Variants in FLRT3 observed in about 807,000 individuals in gnomAD.
FLRT3 encodes fibronectin leucine rich transmembrane protein 3.
A neutral mutation model predicts 42.6 loss-of-function variants in FLRT3; 17 were observed. That is an observed-to-expected ratio of 0.40 (90% confidence interval 0.27 to 0.60). FLRT3 has a LOEUF of 0.60. Among genes scored for constraint, FLRT3 ranks in the 20% least tolerant of loss-of-function variants. The pLI is 0.44. For synonymous variants in FLRT3, 279 were observed against 286.4 expected (o/e 0.97, Z 0.26); for missense variants, 635 against 789.2 (o/e 0.80, Z 2.34).
chr20:14,325,507 C>T lies in FLRT3; in HGVS notation c.*50G>A, dbSNP rs1488580354. ...AGAACAGGGTTCCTACCATCACCTC[C>T]CTTAGGTTTAAAAAACCCAAAACAC... is the stretch of plus-strand genomic sequence containing the variant. On this transcript the variant is annotated 3_prime_UTR_variant, in exon 3 of 3. Transcript: ENST00000341420. The T allele has an allele frequency of 1.3e-6, 2 of 1,551,702 alleles. No individual in the cohort carries two copies. The highest frequency in any genetic ancestry group is 1.8e-4 in the Middle Eastern group (1 of 5,712).
intron 1 of FLRT3, among the ~76,000 whole-genome samples, chr20:14,330,399 A>G (rs1888977431): frequency 6.6e-6 from 1 of 152,040 alleles, no homozygotes; most frequent in Admixed American, 6.6e-5. Context: ...CCTCAAAGTA[A>G]GGACTAAAGT....
intron 2 of FLRT3, 77 bp from the exon 3 acceptor site, chr20:14,327,635 G>T: frequency 9.4e-7 from 1 of 1,062,050 alleles, no homozygotes. Flanking sequence ...AACAAATGTG[G>T]AAACTAAAAT....
In FLRT3 at chr20:14,326,940, A is replaced by G. The variant is rs767737045; in HGVS notation, c.567T>C (p.Thr189=). 8 of 1,613,668 alleles carry G rather than the reference A, an allele frequency of 5.0e-6. No individual in the cohort carries two copies. The South Asian group carries it at 8.8e-5, about 18-fold the overall frequency. Residue 189 remains threonine, a synonymous_variant, in exon 3 of 3, where the codon ACT becomes ACC. Transcript: ENST00000341420. This position sits in a 1 kb window ranked among gnomAD's most constrained non-coding sequence, Gnocchi z 5.5. ...ELRLDDNRIS[T]ISSPSLQGLT... Reference sequence around the variant, plus strand: ...GACCTTGAAGAGATGGTGATGAAATAGTGGATATGCGATTATCATCCAAGC... The same window carrying G: ...GACCTTGAAGAGATGGTGATGAAATGGTGGATATGCGATTATCATCCAAGC...
Position 14,324,065 on chromosome 20 carries a change from A to C in FLRT3, c.*1492T>G, listed in dbSNP as rs1391172782. The C allele has an allele frequency of 6.6e-6, 1 of 152,538 alleles. No homozygotes were observed. Among genetic ancestry groups the C allele is most frequent in the Non-Finnish European group, 1.5e-5 (1 of 68,032 alleles). The allele number at this position is 152,538 out of a possible 1,614,324, so 9.4% of individuals were successfully genotyped here. A position where few individuals can be genotyped will look rare whatever the true frequency, so the allele number is the denominator to read the frequency against. On this transcript the variant is annotated 3_prime_UTR_variant, in exon 3 of 3. Transcript: ENST00000341420. ...AAAATACATGGGACGTTTAGGACTA[A>C]TGTGCTGGGCAATTTGCTACTTAGT...
At position 14,325,512 on chromosome 20, in the gene FLRT3, G is replaced by C. The variant is rs750793079; in HGVS notation, c.*45C>G. ...AGGGTTCCTACCATCACCTCCCTTA[G>C]GTTTAAAAAACCCAAAACACAAGTC... On this transcript the variant is annotated 3_prime_UTR_variant, in exon 3 of 3. Coordinates refer to ENST00000341420, the MANE Select transcript of FLRT3 (RefSeq NM_198391.3). The C allele has an allele frequency of 7.1e-6, 11 of 1,557,124 alleles. No individual in the cohort carries two copies. The Admixed American group carries it at 1.3e-4, about 19-fold the overall frequency.
chr20:14,327,998 A>G (rs2082766518), intron 2 of FLRT3, among the ~76,000 whole-genome samples: 1 of 152,038 alleles, frequency 6.6e-6, no homozygotes, highest in South Asian at 2.1e-4. Flanking sequence ...AAAAAACCAC[A>G]CATTTTTATA....
In FLRT3 at chr20:14,325,930, T is replaced by C. The variant is rs372442326; in HGVS notation, c.1577A>G (p.Asn526Ser). ...EQEKEPYKNP[N>S]LPLAAIIGGA... The stretch of plus-strand genomic sequence containing the variant: ...ACCAATGATGGCAGCCAAAGGTAAA[T>C]TGGGGTTTTTGTAAGGTTCTTTCTC... Residue 526 changes from asparagine to serine, a missense_variant, in exon 3 of 3, where the codon AAT (asparagine) becomes AGT (serine). Coordinates refer to ENST00000341420, the MANE Select transcript of FLRT3 (RefSeq NM_198391.3). 4 of 1,613,810 alleles carry C rather than the reference T, an allele frequency of 2.5e-6. No homozygotes were observed. The African/African-American group carries it at 4.0e-5, about 16-fold the overall frequency.
intron 1 of FLRT3, among the ~76,000 whole-genome samples, chr20:14,333,034 A>T (rs2082872961): frequency 1.3e-5 from 2 of 152,040 alleles, no homozygotes; most frequent in South Asian, 2.1e-4. Context: ...ATTTTCCATG[A>T]TCATCAGATT....
chr20:14,335,169 A>G (rs547318715), intron 1 of FLRT3, among the ~76,000 whole-genome samples: 1 of 152,266 alleles, frequency 6.6e-6, no homozygotes, highest in East Asian at 1.9e-4. Flanking sequence ...AAGCACAGAA[A>G]AATCTCTCTG....
At position 14,325,438 on chromosome 20, in the gene FLRT3, A is replaced by C. The variant is rs112282326; in HGVS notation, c.*119T>G. ...AATATAAATTATATGGCAAATGTAC[A>C]GTACATTGCTTTTTTTCAGTCTCTT... is the stretch of plus-strand genomic sequence containing the variant. On this transcript the variant is annotated 3_prime_UTR_variant, in exon 3 of 3. Coordinates refer to ENST00000341420, the MANE Select transcript of FLRT3 (RefSeq NM_198391.3). The C allele has an allele frequency of 9.7e-7, 1 of 1,032,338 alleles. No homozygotes were observed. The highest frequency in any genetic ancestry group is 1.6e-5 in the African/African-American group (1 of 62,262). The allele number at this position is 1,032,338 out of a possible 1,614,324, so 63.9% of individuals were successfully genotyped here.
chr20:14,328,191 G>T (rs866107696), intron 2 of FLRT3, among the ~76,000 whole-genome samples: 3 of 151,996 alleles, frequency 2.0e-5, no homozygotes, highest in Admixed American at 6.6e-5. Context: ...TATTTTAAAT[G>T]GATGGATTTC....
At position 14,326,319 on chromosome 20, in the gene FLRT3, G is replaced by A. The variant is rs765030386; in HGVS notation, c.1188C>T (p.Leu396=). 1.2e-6 allele frequency: 2 copies of A among 1,613,896 alleles called. No homozygotes were observed. Among genetic ancestry groups the A allele is most frequent in the Admixed American group, 3.3e-5 (2 of 60,004 alleles). ...TCCCTGTGGTTTGGTGATCCTTAGT[G>A]AGCTTGGGGTTCTTAATATCTGGCT... is the stretch of plus-strand genomic sequence containing the variant. ...TKQPDIKNPK[L]TKDHQTTGSP... The change falls in exon 3 of 3, where the codon CTC becomes CTT. Residue 396 remains leucine (L), a synonymous_variant. Coordinates refer to ENST00000341420, the MANE Select transcript of FLRT3 (RefSeq NM_198391.3). The surrounding 1 kb of genome is among the most constrained non-coding windows in gnomAD (Gnocchi z 5.5).
chr20:14,326,015 C>T lies in FLRT3; in HGVS notation c.1492G>A (p.Glu498Lys), dbSNP rs559347061. 1 of 1,613,922 alleles carries T rather than the reference C, an allele frequency of 6.2e-7. No homozygotes were observed. Among genetic ancestry groups the T allele is most frequent in the Non-Finnish European group, 8.5e-7 (1 of 1,179,868 alleles). ...YLFDETPVCI[E>K]TETAPLRMYN... Reference sequence around the variant, plus strand: ...ATTCGAAGGGGTGCAGTTTCAGTCTCAATACAAACAGGAGTTTCATCAAAT... The same window carrying T: ...ATTCGAAGGGGTGCAGTTTCAGTCTTAATACAAACAGGAGTTTCATCAAAT... The change falls in exon 3 of 3, where the codon GAG (glutamate) becomes AAG (lysine). Residue 498 changes from glutamate (E) to lysine (K), a missense_variant. Glu to Lys is a moderately conservative substitution (Grantham distance 56). Coordinates refer to ENST00000341420, the MANE Select transcript of FLRT3 (RefSeq NM_198391.3). This position sits in a 1 kb window ranked among gnomAD's most constrained non-coding sequence, Gnocchi z 5.5.
intron 1 of FLRT3, among the ~76,000 whole-genome samples, chr20:14,332,117 A>G (rs999184596): frequency 3.3e-5 from 5 of 152,274 alleles, no homozygotes; most frequent in African/African-American, 1.2e-4. Context: ...AAAAGAAGAA[A>G]AACATAACCA....
In FLRT3 at chr20:14,327,401, G is replaced by A. The variant is rs1390361437; in HGVS notation, c.106C>T (p.Arg36Cys). 1.9e-6 allele frequency: 3 copies of A among 1,613,486 alleles called. No homozygotes were observed. Among genetic ancestry groups the A allele is most frequent in the Admixed American group, 1.7e-5 (1 of 59,954 alleles). Residue 36 changes from arginine to cysteine, a missense_variant, in exon 3 of 3, where the codon CGC (arginine) becomes TGC (cysteine). Coordinates refer to ENST00000341420, the MANE Select transcript of FLRT3 (RefSeq NM_198391.3). ...CAGTAAATGAAACCCGCATCGCAGC[G>A]ACACACAGATGGACAGGATTTAGCC... Reference protein sequence around the residue: ...VMAKSCPSVCRCDAGFIYCND... With the variant: ...VMAKSCPSVCCCDAGFIYCND...
Position 14,324,683 on chromosome 20 carries a change from A to G in FLRT3, c.*874T>C, listed in dbSNP as rs1439976594. On this transcript the variant is annotated 3_prime_UTR_variant, in exon 3 of 3. Transcript: ENST00000341420. Reference sequence around the variant, plus strand: ...ACTAACAATTTTGTGTTTATAATTCACTTTTCAAAAATCAGGATGGTATAG... The same window carrying G: ...ACTAACAATTTTGTGTTTATAATTCGCTTTTCAAAAATCAGGATGGTATAG... 1 of 152,194 alleles carries G rather than the reference A, an allele frequency of 6.6e-6. No individual in the cohort carries two copies. The highest frequency in any genetic ancestry group is 1.9e-4 in the East Asian group (1 of 5,182). 9.4% of individuals were successfully genotyped at this position (152,194 alleles called of 1,614,324 possible). A position where few individuals can be genotyped will look rare whatever the true frequency, so the allele number is the denominator to read the frequency against.
chr20:14,331,914 GA>G (rs1482238919), intron 1 of FLRT3, among the ~76,000 whole-genome samples: 4 of 152,086 alleles, frequency 2.6e-5, no homozygotes, highest in Non-Finnish European at 5.9e-5. Context: ...ACTGACTTCA[GA>G]GCCTTTCTGT....
Position 14,325,561 on chromosome 20 carries a change from G to A in FLRT3, c.1946C>T (p.Ser649Leu). The A allele has an allele frequency of 6.2e-7, 1 of 1,608,370 alleles. No individual in the cohort carries two copies. Among genetic ancestry groups the A allele is most frequent in the Non-Finnish European group, 8.5e-7 (1 of 1,176,716 alleles). ...TCTGCTGTGAGTCCTTCAGCATCAT[G>A]AGTGTGAGTGATCTGAGTCTGGAAT... ...SGIPDSDHSH[S>L] Residue 649 changes from serine to leucine, a missense_variant, in exon 3 of 3, where the codon TCA (serine) becomes TTA (leucine). Physicochemically the swap from Ser to Leu is moderately radical, Grantham distance 145. Transcript: ENST00000341420.
intron 1 of FLRT3, among the ~76,000 whole-genome samples, chr20:14,334,066 T>C (rs1465392732): frequency 6.6e-6 from 1 of 152,224 alleles, no homozygotes; most frequent in Non-Finnish European, 1.5e-5. Flanking sequence ...TCCCTGACAC[T>C]TGATTTTAGG....
Sources: allele counts gnomAD v4.1 joint callset (sites outside exome capture counted in the v4.1 genomes callset), GRCh38; gene constraint gnomAD v4.1.1; non-coding constraint Gnocchi (gnomAD v3.1); transcripts MANE v1.5; gene names NCBI Gene and HGNC (gene_info 2026-07-23, HGNC 2026-07-21).